Variants in ZBTB7C observed in about 807,000 individuals in gnomAD.
The protein encoded by ZBTB7C is zinc finger and BTB domain containing 7C, also known as zinc finger and BTB domain-containing protein 7C.
ZBTB7C carries 8 observed loss-of-function variants against 25.7 expected under a neutral mutation model. That is an observed-to-expected ratio of 0.31 (90% confidence interval 0.18 to 0.56). The LOEUF is 0.56. Among genes scored for constraint, ZBTB7C ranks in the 20% least tolerant of loss-of-function variants. ZBTB7C has a pLI of 0.91. For synonymous variants in ZBTB7C, 394 were observed against 369.0 expected, an observed-to-expected ratio of 1.07 and a Z score of -0.78; for missense variants, 824 against 855.2, an observed-to-expected ratio of 0.96 and a Z score of 0.46.
At chr18:48,235,038 T>C (rs1213214196) in intron 2 of ZBTB7C, among the ~76,000 whole-genome samples, 1 of 152,206 alleles carries the variant, frequency 6.6e-6, no homozygotes, top group Non-Finnish European at 1.5e-5. Context: ...AGTGTATCTT[T>C]TTCCACTCAT....
chr18:48,062,116 A>T (rs1397013973), intron 3 of ZBTB7C, among the ~76,000 whole-genome samples: 2 of 152,354 alleles, frequency 1.3e-5, no homozygotes, highest in East Asian at 3.9e-4. Flanking sequence ...CTCATTAAAC[A>T]ATTTATAAAT....
intron 3 of ZBTB7C, among the ~76,000 whole-genome samples, chr18:48,070,930 C>T (rs1394526860): frequency 6.6e-6 from 1 of 152,156 alleles, no homozygotes; most frequent in Non-Finnish European, 1.5e-5. Flanking sequence ...AGTAAAAATT[C>T]CCATCAGATA....
At chr18:48,245,321 G>A (rs1016684774) in intron 2 of ZBTB7C, among the ~76,000 whole-genome samples, 14 of 148,774 alleles carry the variant, frequency 9.4e-5, no homozygotes, top group African/African-American at 2.9e-4. Flanking sequence ...GGGGACTTGG[G>A]AAGGGTGGGA....
At chr18:48,109,272 C>A (rs1309227020) in intron 3 of ZBTB7C, among the ~76,000 whole-genome samples, 1 of 152,204 alleles carries the variant, frequency 6.6e-6, no homozygotes. Flanking sequence ...GCCAGCCCTG[C>A]CCCTGCCTTC....
At chr18:48,394,890 G>A (rs1052624047) in intron 1 of ZBTB7C, among the ~76,000 whole-genome samples, 35 of 152,134 alleles carry the variant, frequency 2.3e-4, no homozygotes, top group Admixed American at 6.5e-4. Flanking sequence ...TGCTGTAAAC[G>A]GCGACGCGTA....
chr18:48,339,666 G>A (rs776048156), intron 1 of ZBTB7C, among the ~76,000 whole-genome samples: 5 of 152,136 alleles, frequency 3.3e-5, no homozygotes, highest in Non-Finnish European at 5.9e-5. Flanking sequence ...GGGATGAGTG[G>A]GAATGGGAAG....
intron 2 of ZBTB7C, among the ~76,000 whole-genome samples, chr18:48,252,990 T>C (rs1446241633): frequency 2.6e-5 from 4 of 152,266 alleles, no homozygotes; most frequent in Admixed American, 2.0e-4. Context: ...GACATACATA[T>C]ACAAAGTCAA....
chr18:48,335,067 G>T (rs1431245958), intron 2 of ZBTB7C, among the ~76,000 whole-genome samples: 1 of 152,214 alleles, frequency 6.6e-6, no homozygotes, highest in Non-Finnish European at 1.5e-5. Context: ...GACCACACAG[G>T]TCTGGATAAA....
intron 1 of ZBTB7C, among the ~76,000 whole-genome samples, chr18:48,393,818 G>A (rs1352085409): frequency 1.3e-5 from 2 of 152,170 alleles, no homozygotes; most frequent in Non-Finnish European, 2.9e-5. Context: ...ACTGGAAAAT[G>A]ATGTTTCTTT....
intron 2 of ZBTB7C, among the ~76,000 whole-genome samples, chr18:48,317,197 C>T (rs369878968): frequency 9.9e-4 from 143 of 145,098 alleles, no homozygotes; most frequent in African/African-American, 3.6e-3. Context: ...CACTTGAACC[C>T]AGTAAGCTGA....
intron 2 of ZBTB7C, among the ~76,000 whole-genome samples, chr18:48,309,473 A>G (rs572668997): frequency 6.6e-6 from 1 of 152,230 alleles, no homozygotes; most frequent in Non-Finnish European, 1.5e-5. Context: ...AGTGTAAAAA[A>G]TGCTGAAGAG....
At chr18:48,266,990 A>G (rs565253496) in intron 2 of ZBTB7C, among the ~76,000 whole-genome samples, 1 of 152,326 alleles carries the variant, frequency 6.6e-6, no homozygotes, top group Admixed American at 6.5e-5. Context: ...ATAGCACTCT[A>G]TAGCTCAAAA....
At chr18:48,232,789 C>A (rs539075080) in intron 2 of ZBTB7C, among the ~76,000 whole-genome samples, 2 of 152,176 alleles carry the variant, frequency 1.3e-5, no homozygotes, top group African/African-American at 4.8e-5. Flanking sequence ...TTATTATTCT[C>A]AGCAGTTTCA....
intron 2 of ZBTB7C, among the ~76,000 whole-genome samples, chr18:48,291,131 C>A (rs2144686884): frequency 6.6e-6 from 1 of 152,280 alleles, no homozygotes; most frequent in African/African-American, 2.4e-5. Flanking sequence ...AAGAATGCAC[C>A]ACCACTATAA....
intron 3 of ZBTB7C, among the ~76,000 whole-genome samples, chr18:48,092,289 G>A (rs2038448664): frequency 6.6e-6 from 1 of 152,206 alleles, no homozygotes. Context: ...CCTTGCCCTG[G>A]TATGCCCCAA....
intron 2 of ZBTB7C, among the ~76,000 whole-genome samples, chr18:48,278,217 G>C (rs564390089): frequency 6.6e-6 from 1 of 152,288 alleles, no homozygotes; most frequent in East Asian, 1.9e-4. Flanking sequence ...AAATCAGGCT[G>C]TTCTGCTACA....
At chr18:48,166,161 A>G (rs1226223026) in intron 3 of ZBTB7C, among the ~76,000 whole-genome samples, 1 of 150,560 alleles carries the variant, frequency 6.6e-6, no homozygotes, top group East Asian at 2.0e-4. Flanking sequence ...ACAGTGTTGT[A>G]CAACCATCAC....
chr18:48,027,169 T>G lies in ZBTB7C; in HGVS notation c.*2091A>C, dbSNP rs1392021734. 2 of 151,400 alleles carry G rather than the reference T, an allele frequency of 1.3e-5. No individual in the cohort carries two copies. Among genetic ancestry groups the G allele is most frequent in the African/African-American group, 4.9e-5 (2 of 41,218 alleles). The allele number at this position is 151,400 out of a possible 1,614,324, so 9.4% of individuals were successfully genotyped here. A position where few individuals can be genotyped will look rare whatever the true frequency, so the allele number is the denominator to read the frequency against. On this transcript the variant is annotated 3_prime_UTR_variant, in exon 5 of 5. Transcript: ENST00000590800. ...ACCACCCCTCCCCCCACAACCCATT[T>G]GCTTCAAGTTCTTGATCATACAGTA...
chr18:48,125,795 C>G (rs1399346617), intron 3 of ZBTB7C, among the ~76,000 whole-genome samples: 3 of 152,226 alleles, frequency 2.0e-5, no homozygotes, highest in Admixed American at 2.0e-4. Context: ...GCCTGGGCAG[C>G]CCCAGGAGAC....
Sources: gnomAD v4.1 joint callset for allele counts (sites outside exome capture counted in the v4.1 genomes callset) on GRCh38, gnomAD v4.1.1 for gene constraint, MANE v1.5 for transcripts, NCBI Gene and HGNC (gene_info 2026-07-23, HGNC 2026-07-21) for gene names.